Variants in CLSTN2 observed in about 807,000 individuals in gnomAD.
CLSTN2 encodes the protein calsyntenin-2.
A neutral mutation model predicts 101.2 loss-of-function variants in CLSTN2; 48 were observed. The ratio of observed to expected loss-of-function variants is 0.47; its 90% CI spans 0.38 to 0.60. CLSTN2 has a LOEUF of 0.60. Among genes scored for constraint, CLSTN2 ranks in the 20% least tolerant of loss-of-function variants. The pLI, the probability that CLSTN2 is intolerant of heterozygous loss-of-function variation, is 0.00. For synonymous variants in CLSTN2, 481 were observed against 463.6 expected, an observed-to-expected ratio of 1.04 and a Z score of -0.48; for missense variants, 1,160 against 1,238.2, an observed-to-expected ratio of 0.94 and a Z score of 0.95.
rs1273061659 is a variant in CLSTN2, at chr3:140,309,217, T to C, written c.233-94412T>C. ...GTATAGGGTCCTGGGAACATGTCAC[T>C]GGGGTCCTGGCCTACCTGGCATCCG... On this transcript the variant is annotated intron_variant, in intron 2 of 16. Transcript: ENST00000458420. Among the ~76,000 whole-genome samples, 3 of 152,090 alleles carry C rather than the reference T, an allele frequency of 2.0e-5. No homozygotes were observed. In the East Asian group the frequency reaches 5.8e-4, roughly 29 times the overall value.
intron 1 of CLSTN2, among the ~76,000 whole-genome samples, chr3:140,132,660 T>C (rs2009540760): frequency 6.6e-6 from 1 of 152,242 alleles, no homozygotes; most frequent in Non-Finnish European, 1.5e-5. Context: ...ATAGGTGCTC[T>C]AGGGAAGTGA....
Position 139,935,257 on chromosome 3 carries a change from C to A in CLSTN2, c.-118C>A. 1 of 454,892 alleles carries A rather than the reference C, an allele frequency of 2.2e-6. No homozygotes were observed. The allele number at this position is 454,892 out of a possible 1,614,324, so 28.2% of individuals were successfully genotyped here. A position where few individuals can be genotyped will look rare whatever the true frequency, so the allele number is the denominator to read the frequency against. Reference sequence around the variant, plus strand: ...CCGAGGCCGAGCGCCGCGGCGGCAGCGCTAGAAGCGCACCCATCGGGCACG... The same window carrying A: ...CCGAGGCCGAGCGCCGCGGCGGCAGAGCTAGAAGCGCACCCATCGGGCACG... On this transcript the variant is annotated 5_prime_UTR_variant, in exon 1 of 17. Transcript: ENST00000458420. This position sits in a 1 kb window ranked among gnomAD's most constrained non-coding sequence, Gnocchi z 5.5.
chr3:140,530,547 C>T (rs1687320566), intron 8 of CLSTN2, among the ~76,000 whole-genome samples: 1 of 152,184 alleles, frequency 6.6e-6, no homozygotes, highest in Non-Finnish European at 1.5e-5. Context: ...TTCTTCTTTG[C>T]AATTGTTTAT....
intron 1 of CLSTN2, among the ~76,000 whole-genome samples, chr3:140,118,584 G>A (rs372230464): frequency 3.5e-5 from 3 of 84,884 alleles, no homozygotes; most frequent in Non-Finnish European, 6.8e-5. Context: ...TCTGGAGCCT[G>A]CCTAACCTCT....
intron 1 of CLSTN2, among the ~76,000 whole-genome samples, chr3:140,087,721 C>T (rs565193115): frequency 6.6e-6 from 1 of 152,238 alleles, no homozygotes; most frequent in East Asian, 1.9e-4. Flanking sequence ...TTCTATGGGG[C>T]TCCCAAAATG....
chr3:140,073,508 C>A (rs775932423), intron 1 of CLSTN2, among the ~76,000 whole-genome samples: 5 of 152,188 alleles, frequency 3.3e-5, no homozygotes, highest in Admixed American at 6.5e-5. Context: ...TGGCACAGGC[C>A]ACACACATTC....
intron 1 of CLSTN2, among the ~76,000 whole-genome samples, chr3:140,112,362 TG>T (rs1397867138): frequency 2.3e-5 from 3 of 130,752 alleles, no homozygotes; most frequent in Non-Finnish European, 3.1e-5. Context: ...TGTGTGTGTG[TG>T]TGTGTGTTTT....
At chr3:140,279,128 A>G (rs749795600) in intron 2 of CLSTN2, among the ~76,000 whole-genome samples, 2 of 152,288 alleles carry the variant, frequency 1.3e-5, no homozygotes, top group Non-Finnish European at 2.9e-5. Context: ...TTCCCTCAAC[A>G]TTATGCCTAT....
At chr3:139,981,046 A>T (rs925086970) in intron 1 of CLSTN2, among the ~76,000 whole-genome samples, 4 of 151,988 alleles carry the variant, frequency 2.6e-5, no homozygotes, top group African/African-American at 9.7e-5. Flanking sequence ...TTGGAATTTT[A>T]TGTGTGGGTT....
chr3:140,155,666 G>A (rs767213161), intron 1 of CLSTN2, among the ~76,000 whole-genome samples: 1 of 152,140 alleles, frequency 6.6e-6, no homozygotes, highest in Non-Finnish European at 1.5e-5. Flanking sequence ...TTTGCTTGGT[G>A]CATTGGGAAA....
intron 1 of CLSTN2, among the ~76,000 whole-genome samples, chr3:140,159,678 G>A: frequency 6.6e-6 from 1 of 152,010 alleles, no homozygotes; most frequent in South Asian, 2.1e-4. Context: ...ATATCCAAAT[G>A]AAAACAAGTC....
At chr3:140,463,088 C>T (rs1414884635) in intron 7 of CLSTN2, among the ~76,000 whole-genome samples, 1 of 152,190 alleles carries the variant, frequency 6.6e-6, no homozygotes, top group African/African-American at 2.4e-5. Context: ...TCTAAGCCCA[C>T]CTGTGTTGGG....
At chr3:140,503,505 G>A (rs553273695) in intron 8 of CLSTN2, among the ~76,000 whole-genome samples, 1 of 152,218 alleles carries the variant, frequency 6.6e-6, no homozygotes, top group Non-Finnish European at 1.5e-5. Context: ...AGGTTTGTGT[G>A]AGTGCACTCT....
intron 1 of CLSTN2, among the ~76,000 whole-genome samples, chr3:140,071,934 A>G (rs183398728): frequency 7.9e-5 from 12 of 152,348 alleles, no homozygotes; most frequent in Admixed American, 7.8e-4. Flanking sequence ...GAAAACAACT[A>G]TGATATATCT....
chr3:140,457,733 G>A (rs750150953), intron 6 of CLSTN2, among the ~76,000 whole-genome samples: 84 of 152,184 alleles, frequency 5.5e-4, no homozygotes, highest in Admixed American at 8.5e-4. Context: ...GGAGCATCTC[G>A]TGAGAGCACT....
In CLSTN2 at chr3:140,575,630, T is replaced by TTG. The variant is rs1443283908; in HGVS notation, c.*9379_*9380dup. 1 of 152,222 alleles carries TTG rather than the reference T, an allele frequency of 6.6e-6. No individual in the cohort carries two copies. Among genetic ancestry groups the TTG allele is most frequent in the Non-Finnish European group, 1.5e-5 (1 of 68,036 alleles). 9.4% of individuals were successfully genotyped at this position (152,222 alleles called of 1,614,324 possible). A position where few individuals can be genotyped will look rare whatever the true frequency, so the allele number is the denominator to read the frequency against. ...AAAAGAAATTGCATGTAGAAGTTGT[T>TTG]TGTTCTCAAAGAAATCTGTAGGTGT... On this transcript the variant is annotated 3_prime_UTR_variant, in exon 17 of 17. Coordinates refer to ENST00000458420, the MANE Select transcript of CLSTN2 (RefSeq NM_022131.3).
rs147008110 is a variant in CLSTN2 at position 140,373,576 on chromosome 3, C to T, written c.233-30053C>T. 1.8e-3 allele frequency among the ~76,000 whole-genome samples: 274 copies of T among 152,240 alleles called. 1 individual carries two copies. Among genetic ancestry groups the T allele is most frequent in the African/African-American group, 6.4e-3 (265 of 41,532 alleles). On this transcript the variant is annotated intron_variant, in intron 2 of 16. Transcript: ENST00000458420. Reference sequence around the variant, plus strand: ...TCCCTTGATTCAGGCTGTGGGGCTGCCCATCCAGAGTGCAGAGACCGTCTT... The same window carrying T: ...TCCCTTGATTCAGGCTGTGGGGCTGTCCATCCAGAGTGCAGAGACCGTCTT...
chr3:139,958,207 G>C (rs1054972293), intron 1 of CLSTN2, among the ~76,000 whole-genome samples: 4 of 152,032 alleles, frequency 2.6e-5, no homozygotes, highest in African/African-American at 9.7e-5. Flanking sequence ...CCCTTGGCAG[G>C]GGTACAGCCA....
At chr3:140,003,257 T>C (rs562892681) in intron 1 of CLSTN2, among the ~76,000 whole-genome samples, 14 of 152,270 alleles carry the variant, frequency 9.2e-5, no homozygotes, top group African/African-American at 3.1e-4. Flanking sequence ...TTTTCTTATA[T>C]AAACCTTTTA....
Sources: allele counts gnomAD v4.1 joint callset (sites outside exome capture counted in the v4.1 genomes callset), GRCh38; gene constraint gnomAD v4.1.1; non-coding constraint Gnocchi (gnomAD v3.1); transcripts MANE v1.5; gene names NCBI Gene and HGNC (gene_info 2026-07-23, HGNC 2026-07-21).